SOX5: variants seen among roughly 807,000 people sequenced by gnomAD.
SOX5 encodes the protein SRY-box transcription factor 5.
Under a neutral mutation model 92.0 loss-of-function variants are expected in SOX5, and 9 were observed. The observed-to-expected ratio is 0.10, with a 90% confidence interval of 0.06 to 0.17. SOX5 has a LOEUF of 0.17. Ranked by LOEUF, SOX5 falls within the 10% of genes least tolerant of loss-of-function variation. The probability of loss-of-function intolerance (pLI) is 1.00; values close to 1 mark genes in which losing one functional copy is unlikely to be tolerated. For missense variants in SOX5, 642 were observed against 944.5 expected (o/e 0.68, Z 4.20); for synonymous variants, 344 against 336.3 (o/e 1.02, Z -0.25).
In SOX5 at chr12:24,157,198, A is replaced by G. The variant is rs149978378; in HGVS notation, c.-2+56145T>C. On this transcript the variant is annotated intron_variant, in intron 4 of 4. Transcript: ENST00000446891. ...ATCGTGGCATTCCTATACATAGTTA[A>G]GCATTTTAAACTTCTTAAAATGTAT... 1.8e-3 allele frequency among the ~76,000 whole-genome samples: 275 copies of G among 152,212 alleles called. 2 individuals carry two copies. Among genetic ancestry groups the G allele is most frequent in the African/African-American group, 6.3e-3 (262 of 41,558 alleles).
intron 9 of SOX5, among the ~76,000 whole-genome samples, chr12:23,601,480 G>T (rs971807953): frequency 6.6e-6 from 1 of 152,056 alleles, no homozygotes; most frequent in Non-Finnish European, 1.5e-5. Context: ...ATGCCAGGTA[G>T]GTATGTAGAC....
At chr12:24,381,599 C>T (rs1024681374) in intron 1 of SOX5, among the ~76,000 whole-genome samples, 1 of 152,184 alleles carries the variant, frequency 6.6e-6, no homozygotes, top group African/African-American at 2.4e-5. Flanking sequence ...TGAATGCCTC[C>T]TTAAACAGCT....
At chr12:23,786,095 C>T (rs2095372359) in intron 3 of SOX5, among the ~76,000 whole-genome samples, 1 of 151,834 alleles carries the variant, frequency 6.6e-6, no homozygotes, top group Non-Finnish European at 1.5e-5. Context: ...TTAAAAAGAA[C>T]CATGAAACCA....
intron 3 of SOX5, among the ~76,000 whole-genome samples, chr12:24,235,894 A>G (rs1426579445): frequency 6.6e-6 from 1 of 152,186 alleles, no homozygotes; most frequent in Non-Finnish European, 1.5e-5. Flanking sequence ...TCTGGCAGTA[A>G]TAAAGAAGTA....
At chr12:24,096,722 T>C (rs529424215) in intron 4 of SOX5, among the ~76,000 whole-genome samples, 1 of 152,276 alleles carries the variant, frequency 6.6e-6, no homozygotes, top group Admixed American at 6.5e-5. Context: ...ATTGAGAAAA[T>C]TTGGCTCACT....
At chr12:23,639,707 C>T (rs2138690974) in intron 8 of SOX5, among the ~76,000 whole-genome samples, 1 of 152,274 alleles carries the variant, frequency 6.6e-6, no homozygotes, top group East Asian at 1.9e-4. Context: ...TGTTATTAAC[C>T]TCTGTAGAAC....
chr12:24,350,895 A>G (rs1211511116), intron 2 of SOX5, among the ~76,000 whole-genome samples: 2 of 152,212 alleles, frequency 1.3e-5, no homozygotes, highest in East Asian at 3.9e-4. Flanking sequence ...CCTACTTAAA[A>G]TATAAAAATT....
At chr12:23,647,628 T>C (rs1420777020) in intron 7 of SOX5, among the ~76,000 whole-genome samples, 1 of 152,242 alleles carries the variant, frequency 6.6e-6, no homozygotes, top group African/African-American at 2.4e-5. Flanking sequence ...ATCTTCTAGA[T>C]AACTTGCTGC....
intron 2 of SOX5, among the ~76,000 whole-genome samples, chr12:24,286,258 T>TA (rs1465374811): frequency 2.0e-5 from 3 of 152,210 alleles, no homozygotes; most frequent in Non-Finnish European, 4.4e-5. Flanking sequence ...ACACCAATGG[T>TA]AAGACAATAT....
chr12:23,707,070 TA>T (rs1347326227), intron 6 of SOX5, among the ~76,000 whole-genome samples: 1 of 152,166 alleles, frequency 6.6e-6, no homozygotes, highest in Non-Finnish European at 1.5e-5. Context: ...CTAGATTTCC[TA>T]TTAGTGCAGT....
intron 4 of SOX5, among the ~76,000 whole-genome samples, chr12:24,126,672 A>C (rs1314947366): frequency 6.6e-6 from 1 of 152,200 alleles, no homozygotes; most frequent in African/African-American, 2.4e-5. Context: ...TCCCTAGCTA[A>C]AATAACTACT....
intron 4 of SOX5, among the ~76,000 whole-genome samples, chr12:24,047,842 T>C (rs1957202435): frequency 6.6e-6 from 1 of 152,226 alleles, no homozygotes; most frequent in South Asian, 2.1e-4. Flanking sequence ...CTTTTTAACA[T>C]TAATTTACTA....
intron 8 of SOX5, among the ~76,000 whole-genome samples, chr12:23,627,595 G>A (rs958883665): frequency 3.9e-5 from 6 of 152,062 alleles, no homozygotes; most frequent in Non-Finnish European, 8.8e-5. Context: ...TGTGTGCCAT[G>A]TCATTTAATC....
At chr12:24,188,179 T>G (rs1956196883) in intron 4 of SOX5, among the ~76,000 whole-genome samples, 1 of 152,164 alleles carries the variant, frequency 6.6e-6, no homozygotes, top group African/African-American at 2.4e-5. Flanking sequence ...CATTTCTTCC[T>G]GTGCACTTCC....
intron 2 of SOX5, among the ~76,000 whole-genome samples, chr12:24,325,831 G>A (rs1396893243): frequency 1.3e-5 from 2 of 152,170 alleles, no homozygotes; most frequent in African/African-American, 2.4e-5. Context: ...CTTGTAATAA[G>A]GATTAAGTAA....
chr12:24,387,168 A>C (rs915915811), intron 1 of SOX5, among the ~76,000 whole-genome samples: 1 of 152,236 alleles, frequency 6.6e-6, no homozygotes, highest in Non-Finnish European at 1.5e-5. Context: ...CAACATAAGT[A>C]GCCTGCAAAC....
At chr12:23,545,420 C>A (rs190300056) in intron 12 of SOX5, among the ~76,000 whole-genome samples, 1 of 152,142 alleles carries the variant, frequency 6.6e-6, no homozygotes, top group Non-Finnish European at 1.5e-5. Flanking sequence ...CTTTGCTACG[C>A]TATTAAAAAT....
At chr12:24,122,295 A>T (rs1489672730) in intron 4 of SOX5, among the ~76,000 whole-genome samples, 3 of 152,198 alleles carry the variant, frequency 2.0e-5, no homozygotes, top group Non-Finnish European at 4.4e-5. Context: ...GGCTGCCAAG[A>T]TGGGGAAGAG....
chr12:24,113,711 A>C (rs1368721455), intron 4 of SOX5, among the ~76,000 whole-genome samples: 1 of 152,216 alleles, frequency 6.6e-6, no homozygotes, highest in Non-Finnish European at 1.5e-5. Flanking sequence ...GGGCAAGAGA[A>C]AGAATGACAA....
Sources: allele counts gnomAD v4.1 joint callset (sites outside exome capture counted in the v4.1 genomes callset), GRCh38; gene constraint gnomAD v4.1.1; transcripts MANE v1.5; gene names NCBI Gene and HGNC (gene_info 2026-07-23, HGNC 2026-07-21).